The following TRAPPC9 variants were observed in gnomAD, a reference collection of about 807,000 sequenced individuals.
The protein encoded by TRAPPC9 is trafficking protein particle complex subunit 9.
Under a neutral mutation model 124.0 loss-of-function variants are expected in TRAPPC9, and 83 were observed. The observed-to-expected ratio is 0.67, with a 90% CI of 0.56 to 0.80. TRAPPC9 has a LOEUF of 0.80. Ranked by LOEUF, TRAPPC9 falls within the 30% of genes least tolerant of loss-of-function variation. TRAPPC9 has a pLI of 0.00. For missense variants in TRAPPC9, 1,302 were observed against 1,508.3 expected, an observed-to-expected ratio of 0.86 and a Z score of 2.27; for synonymous variants, 638 against 617.5, an observed-to-expected ratio of 1.03 and a Z score of -0.49.
chr8:140,455,664 C>T (rs2071632510), intron 1 of TRAPPC9, among the ~76,000 whole-genome samples: 1 of 146,346 alleles, frequency 6.8e-6, no homozygotes, highest in Non-Finnish European at 1.5e-5. Context: ...CTCTTGACCT[C>T]GTGATCTGCC....
chr8:140,028,767 G>A (rs566942532), intron 17 of TRAPPC9, among the ~76,000 whole-genome samples: 61 of 152,354 alleles, frequency 4.0e-4, no homozygotes, highest in African/African-American at 1.4e-3. Flanking sequence ...GTGACACGTT[G>A]TGTCATGGAT....
intron 18 of TRAPPC9, among the ~76,000 whole-genome samples, chr8:140,013,616 A>G (rs1839273833): frequency 6.6e-6 from 1 of 152,228 alleles, no homozygotes; most frequent in Non-Finnish European, 1.5e-5. Context: ...CGCTGAGGTC[A>G]GTGATGTCCT....
In TRAPPC9 at chr8:140,087,505, T is replaced by C. The variant is rs1321719284; in HGVS notation, c.2557-63426A>G. 6.6e-6 allele frequency among the ~76,000 whole-genome samples: 1 copy of C among 152,048 alleles called. No individual in the cohort carries two copies. The highest frequency in any genetic ancestry group is 1.5e-5 in the Non-Finnish European group (1 of 68,014). ...GACTCGCCTGAAGAATATGGTTGTG[T>C]TTTCCCCACATTCTAATCCCCACCG... On this transcript the variant is annotated intron_variant, in intron 17 of 22. Transcript: ENST00000438773. The surrounding 1 kb of genome is among the most constrained non-coding windows in gnomAD (Gnocchi z 4.6).
rs73725391 is a variant in TRAPPC9, at chr8:140,078,826, G to A, written c.2557-54747C>T. Among the ~76,000 whole-genome samples the A allele has an allele frequency of 4.3e-3, 656 of 152,116 alleles. 4 individuals carry two copies. The highest frequency in any genetic ancestry group is 0.015 in the African/African-American group (624 of 41,490). On this transcript the variant is annotated intron_variant, in intron 17 of 22. Transcript: ENST00000438773. ...CCCCCAGTCACCACCAGTCAACAGG[G>A]GGCCTACCCAGCAATGGCTCAAGGC... is the stretch of plus-strand genomic sequence containing the variant.
chr8:139,964,901 T>C (rs1835600182), intron 19 of TRAPPC9, among the ~76,000 whole-genome samples: 1 of 152,226 alleles, frequency 6.6e-6, no homozygotes, highest in South Asian at 2.1e-4. Flanking sequence ...AGAGGAATGC[T>C]GTCCATAACA....
intron 17 of TRAPPC9, among the ~76,000 whole-genome samples, chr8:140,048,480 T>C (rs1325459915): frequency 2.0e-5 from 3 of 152,036 alleles, no homozygotes; most frequent in African/African-American, 7.2e-5. Context: ...CAGGCCAGGA[T>C]CATGAGAGCG....
At chr8:139,887,145 G>T (rs1830064401) in intron 20 of TRAPPC9, among the ~76,000 whole-genome samples, 1 of 151,920 alleles carries the variant, frequency 6.6e-6, no homozygotes, top group South Asian at 2.1e-4. Flanking sequence ...CCAGCAGCAG[G>T]ACAGGCTAAG....
intron 2 of TRAPPC9, among the ~76,000 whole-genome samples, chr8:140,448,757 C>T (rs1440679688): frequency 6.6e-6 from 1 of 152,088 alleles, no homozygotes; most frequent in Non-Finnish European, 1.5e-5. Flanking sequence ...GCTGGCTGGA[C>T]AGCAGTGTGC....
intron 5 of TRAPPC9, among the ~76,000 whole-genome samples, chr8:140,423,657 C>CACATAT (rs1564014387): frequency 2.8e-5 from 2 of 71,170 alleles, no homozygotes; most frequent in Non-Finnish European, 8.0e-5. Context: ...CATATACATA[C>CACATAT]ACACATATAT....
intron 21 of TRAPPC9, among the ~76,000 whole-genome samples, chr8:139,755,644 G>A (rs1301118688): frequency 7.8e-6 from 1 of 128,652 alleles, no homozygotes; most frequent in Non-Finnish European, 1.6e-5. Context: ...CGCAGGAGGA[G>A]CCAGGGTTGG....
chr8:139,752,132 T>C (rs1819352429), intron 21 of TRAPPC9, among the ~76,000 whole-genome samples: 1 of 148,916 alleles, frequency 6.7e-6, no homozygotes, highest in Non-Finnish European at 1.5e-5. Context: ...CATCCATCCA[T>C]CTATATATCG....
At chr8:140,147,209 C>T (rs538948330) in intron 17 of TRAPPC9, among the ~76,000 whole-genome samples, 3 of 152,372 alleles carry the variant, frequency 2.0e-5, no homozygotes, top group East Asian at 3.8e-4. Context: ...AGAACGCACA[C>T]GTTAGCGTGA....
At chr8:140,220,221 C>T (rs1221941216) in intron 17 of TRAPPC9, among the ~76,000 whole-genome samples, 1 of 152,176 alleles carries the variant, frequency 6.6e-6, no homozygotes, top group Non-Finnish European at 1.5e-5. Context: ...TGCTACGATC[C>T]ATTACCTAAA....
chr8:140,452,115 C>T (rs1402368995), intron 1 of TRAPPC9, among the ~76,000 whole-genome samples: 25 of 144,572 alleles, frequency 1.7e-4, no homozygotes, highest in South Asian at 2.2e-4. Flanking sequence ...AGTGAGACTC[C>T]GTCTCAAAAA....
intron 21 of TRAPPC9, among the ~76,000 whole-genome samples, chr8:139,833,795 C>T (rs1826146970): frequency 6.6e-6 from 1 of 152,212 alleles, no homozygotes; most frequent in South Asian, 2.1e-4. Context: ...CTGATTTCAG[C>T]TTCCTTCCGC....
Position 139,910,167 on chromosome 8 carries a change from G to C in TRAPPC9, c.2944C>G (p.Leu982Val). 1 of 1,613,874 alleles carries C rather than the reference G, an allele frequency of 6.2e-7. No individual in the cohort carries two copies. The highest frequency in any genetic ancestry group is 8.5e-7 in the Non-Finnish European group (1 of 1,179,960). ...EARGLEIHSK[L>V]GICWRIPSLK... Reference sequence around the variant, plus strand: ...GATATGATTCTCCAGCAGATGCCCAGCTTGCTGTGGATCTCCAGGCCTCGG... The same window carrying C: ...GATATGATTCTCCAGCAGATGCCCACCTTGCTGTGGATCTCCAGGCCTCGG... Residue 982 changes from leucine to valine, a missense_variant, in exon 20 of 23, where the codon CTG becomes GTG. By Grantham distance (32) the Leu-to-Val change is conservative. Transcript: ENST00000438773.
intron 17 of TRAPPC9, among the ~76,000 whole-genome samples, chr8:140,034,974 C>T (rs1349983897): frequency 3.3e-5 from 5 of 152,342 alleles, no homozygotes; most frequent in African/African-American, 7.2e-5. Flanking sequence ...TCACAGCTGC[C>T]GCGCCATGAG....
intron 17 of TRAPPC9, among the ~76,000 whole-genome samples, chr8:140,146,728 A>G (rs1434067115): frequency 6.6e-6 from 1 of 152,162 alleles, no homozygotes; most frequent in Non-Finnish European, 1.5e-5. Context: ...TGCCTCTAAT[A>G]TTTCATAATG....
intron 17 of TRAPPC9, among the ~76,000 whole-genome samples, chr8:140,145,702 T>G (rs796940694): frequency 6.2e-4 from 94 of 151,474 alleles, no homozygotes; most frequent in African/African-American, 2.2e-3. Context: ...TTTTGGGGGG[T>G]TTTTGTTTTT....
Sources: allele counts gnomAD v4.1 joint callset (sites outside exome capture counted in the v4.1 genomes callset), GRCh38; gene constraint gnomAD v4.1.1; non-coding constraint Gnocchi (gnomAD v3.1); transcripts MANE v1.5; gene names NCBI Gene and HGNC (gene_info 2026-07-23, HGNC 2026-07-21).